NUMB: variants seen among roughly 807,000 people sequenced by gnomAD.
NUMB encodes protein numb homolog.
NUMB carries 29 observed loss-of-function variants against 59.7 expected under a neutral mutation model. The observed-to-expected ratio is 0.49, with a 90% CI of 0.36 to 0.66. The LOEUF is 0.66. Among genes scored for constraint, NUMB ranks in the 30% least tolerant of loss-of-function variants. NUMB has a pLI of 0.00. For synonymous variants in NUMB, 288 were observed against 288.2 expected, an observed-to-expected ratio of 1.00 and a Z score of 0.01; for missense variants, 723 against 822.0, an observed-to-expected ratio of 0.88 and a Z score of 1.47.
chr14:73,420,107 C>T (rs930704562), intron 1 of NUMB, among the ~76,000 whole-genome samples: 6 of 152,324 alleles, frequency 3.9e-5, no homozygotes, highest in East Asian at 1.9e-4. Context: ...GTGATCCACC[C>T]GCCTTGGCCT....
chr14:73,289,151 CCCTT>C (rs2308150), intron 8 of NUMB, among the ~76,000 whole-genome samples: 9,179 of 152,148 alleles, frequency 0.06, 609 homozygotes, highest in African/African-American at 0.16. Context: ...TTCCCCCATA[CCCTT>C]CCTATCTTCC....
At chr14:73,355,098 C>T (rs936830186) in intron 4 of NUMB, among the ~76,000 whole-genome samples, 2 of 152,182 alleles carry the variant, frequency 1.3e-5, no homozygotes, top group Non-Finnish European at 2.9e-5. Flanking sequence ...TCACTGCCTT[C>T]TCAGGATCTT....
chr14:73,447,348 C>T (rs969458601), intron 1 of NUMB, among the ~76,000 whole-genome samples: 1 of 151,890 alleles, frequency 6.6e-6, no homozygotes, highest in Non-Finnish European at 1.5e-5. Flanking sequence ...ATTAGCTGGG[C>T]GTGGTGGCAG....
chr14:73,443,061 CATG>C (rs1174769275), intron 1 of NUMB, among the ~76,000 whole-genome samples: 1 of 151,998 alleles, frequency 6.6e-6, no homozygotes, highest in African/African-American at 2.4e-5. Flanking sequence ...GGAGTTTCAC[CATG>C]ATGACCAGAC....
chr14:73,355,793 AAAAG>A, intron 3 of NUMB, 27 bp from the exon 4 acceptor site: 1 of 1,539,902 alleles, frequency 6.5e-7, no homozygotes, highest in South Asian at 1.2e-5. Context: ...AAAAATATTT[AAAAG>A]AAATATTACC....
At chr14:73,294,179 T>C (rs952630091) in intron 7 of NUMB, among the ~76,000 whole-genome samples, 1 of 152,198 alleles carries the variant, frequency 6.6e-6, no homozygotes, top group African/African-American at 2.4e-5. Context: ...GGAAAACTCT[T>C]ATCTTTTGAA....
chr14:73,439,158 C>T (rs1489683175), intron 1 of NUMB, among the ~76,000 whole-genome samples: 1 of 152,064 alleles, frequency 6.6e-6, no homozygotes, highest in Non-Finnish European at 1.5e-5. Context: ...TACAAAGCAA[C>T]AAAAGAAGGG....
At chr14:73,441,492 A>G (rs559839702) in intron 1 of NUMB, among the ~76,000 whole-genome samples, 5 of 152,120 alleles carry the variant, frequency 3.3e-5, no homozygotes, top group East Asian at 1.9e-4. Context: ...AGCCAAGATC[A>G]CGCCACACAC....
chr14:73,367,296 TACACACACAC>T (rs1196520524), intron 2 of NUMB, among the ~76,000 whole-genome samples: 1 of 121,030 alleles, frequency 8.3e-6, no homozygotes, highest in African/African-American at 3.6e-5. Flanking sequence ...TATATATATA[TACACACACAC>T]ACACACACAC....
At chr14:73,355,821 A>C (rs1396603184) in intron 3 of NUMB, 55 bp from the exon 4 acceptor site, 1 of 1,425,174 alleles carries the variant, frequency 7.0e-7, no homozygotes, top group Non-Finnish European at 9.6e-7. Flanking sequence ...TTACATATTT[A>C]AACTTTGGAT....
chr14:73,282,093 C>T lies in NUMB; in HGVS notation c.1096+266G>A, dbSNP rs141586024. On this transcript the variant is annotated intron_variant, in intron 11 of 12. Transcript: ENST00000555238. ...CTTAACAGTCAAGTGGGAAATAAGGCAGTAGGTTGGGACTACAGAAATTCC... is the reference window on the plus strand; with the variant it reads ...CTTAACAGTCAAGTGGGAAATAAGGTAGTAGGTTGGGACTACAGAAATTCC... Among the ~76,000 whole-genome samples, 1,040 of 152,256 alleles carry T rather than the reference C, an allele frequency of 6.8e-3. 4 individuals carry two copies. The highest frequency in any genetic ancestry group is 0.03 in the South Asian group (144 of 4,822).
chr14:73,303,703 T>C (rs181407796), intron 6 of NUMB, among the ~76,000 whole-genome samples: 64 of 152,336 alleles, frequency 4.2e-4, no homozygotes, highest in Middle Eastern at 6.8e-3. Context: ...TCTAACACTT[T>C]CTACTTTAAT....
In NUMB at chr14:73,302,832, T is replaced by C. The variant is rs190456540; in HGVS notation, c.235-5547A>G. Among the ~76,000 whole-genome samples the C allele has an allele frequency of 8.7e-4, 133 of 152,250 alleles. 1 individual carries two copies. Among genetic ancestry groups the C allele is most frequent in the African/African-American group, 3.1e-3 (128 of 41,554 alleles). The stretch of plus-strand genomic sequence containing the variant: ...GAGAGAAGACTGTCTGCCCTAAAAC[T>C]GTCTACTTGAAACCAGTACCCTAGG... On this transcript the variant is annotated intron_variant, in intron 6 of 12. Transcript: ENST00000555238.
chr14:73,405,435 CTTT>C lies in NUMB; in HGVS notation c.-101+4499_-101+4501del, dbSNP rs56778084. The stretch of plus-strand genomic sequence containing the variant: ...ATCCTTTAGGTATTTTTTTCTTTCT[CTTT>C]TTTTTTTTTTTTTTTTTTTGACAGG... On this transcript the variant is annotated intron_variant, in intron 2 of 12. Transcript: ENST00000555238. Among the ~76,000 whole-genome samples, 56 of 127,400 alleles carry C rather than the reference CTTT, an allele frequency of 4.4e-4. 3 individuals are homozygous for C. Among genetic ancestry groups the C allele is most frequent in the South Asian group, 5.0e-4 (2 of 3,986 alleles). 83.6% of individuals were successfully genotyped at this position (127,400 alleles called of 152,430 possible).
At chr14:73,312,949 T>TA (rs1358041493) in intron 6 of NUMB, among the ~76,000 whole-genome samples, 1 of 152,042 alleles carries the variant, frequency 6.6e-6, no homozygotes, top group African/African-American at 2.4e-5. Context: ...GCTGCTCAGT[T>TA]ACTCTGAACA....
intron 4 of NUMB, among the ~76,000 whole-genome samples, chr14:73,343,482 G>A (rs186381573): frequency 6.6e-6 from 1 of 152,248 alleles, no homozygotes; most frequent in East Asian, 1.9e-4. Context: ...CAGCTTCCCC[G>A]CTGGAAGAAC....
intron 1 of NUMB, among the ~76,000 whole-genome samples, chr14:73,448,066 G>A (rs1289570957): frequency 6.6e-6 from 1 of 151,968 alleles, no homozygotes; most frequent in African/African-American, 2.4e-5. Context: ...CAAACTGCTG[G>A]GATTACAGGC....
At chr14:73,320,719 T>C (rs772265995) in intron 5 of NUMB, among the ~76,000 whole-genome samples, 16 of 152,180 alleles carry the variant, frequency 1.1e-4, no homozygotes, top group Middle Eastern at 3.2e-3. Flanking sequence ...TTTTTTGAGT[T>C]ACTACTATGT....
chr14:73,402,809 C>T (rs573143120), intron 2 of NUMB, among the ~76,000 whole-genome samples: 4 of 152,302 alleles, frequency 2.6e-5, no homozygotes, highest in Non-Finnish European at 4.4e-5. Flanking sequence ...CTCACTTTCA[C>T]AACTAAATTT....
Sources: gnomAD v4.1 joint callset for allele counts (sites outside exome capture counted in the v4.1 genomes callset) on GRCh38, gnomAD v4.1.1 for gene constraint, MANE v1.5 for transcripts, NCBI Gene and HGNC (gene_info 2026-07-23, HGNC 2026-07-21) for gene names.